Variants in ATG13 observed in about 807,000 individuals in gnomAD.
ATG13 encodes the protein autophagy related 13.
ATG13 carries 23 observed loss-of-function variants against 65.5 expected under a neutral mutation model. That is an observed-to-expected ratio of 0.35 (90% CI 0.25 to 0.50). ATG13 has a LOEUF of 0.50. ATG13 is among the 20% of genes least tolerant of loss of function. The pLI is 0.98. For synonymous variants in ATG13, 252 were observed against 245.2 expected (o/e 1.03, Z -0.26); for missense variants, 566 against 677.0 (o/e 0.84, Z 1.82).
In ATG13 at chr11:46,669,399, T is replaced by C. The variant is rs1430332617; in HGVS notation, c.1447-5T>C. 1.9e-5 allele frequency: 31 copies of C among 1,613,952 alleles called. No individual in the cohort carries two copies. The African/African-American group carries it at 2.5e-4, about 13-fold the overall frequency. On this transcript the variant is annotated splice_region_variant and splice_polypyrimidine_tract_variant and intron_variant, in intron 17 of 18. Transcript: ENST00000683050. ...AGCTAAACTGACTCTGTCTTGTTTTTGAAGAAACCAGCTTTTTCTAAAGAT... is the reference window on the plus strand; with the variant it reads ...AGCTAAACTGACTCTGTCTTGTTTTCGAAGAAACCAGCTTTTTCTAAAGAT...
chr11:46,634,350 G>A (rs1056293677), intron 2 of ATG13, among the ~76,000 whole-genome samples: 13 of 151,596 alleles, frequency 8.6e-5, no homozygotes, highest in African/African-American at 2.9e-4. Flanking sequence ...CACCGGCCTC[G>A]GCCTCCCAAA....
chr11:46,642,100 CGT>C (rs778871464), intron 2 of ATG13, among the ~76,000 whole-genome samples: 3 of 151,862 alleles, frequency 2.0e-5, no homozygotes, highest in African/African-American at 4.8e-5. Context: ...AAAAATTTAA[CGT>C]GTACCCATTA....
At chr11:46,667,297 C>A (rs1353916646) in intron 14 of ATG13, among the ~76,000 whole-genome samples, 2 of 152,184 alleles carry the variant, frequency 1.3e-5, no homozygotes, top group African/African-American at 4.8e-5. Context: ...CATGGGCCCC[C>A]ACTGCTGCTG....
At position 46,674,432 on chromosome 11, in the gene ATG13, C is replaced by T. The variant is rs1032003763; in HGVS notation, c.*2100C>T. On this transcript the variant is annotated 3_prime_UTR_variant, in exon 19 of 19. Transcript: ENST00000683050. Reference sequence around the variant, plus strand: ...GTCAGAGTCCCTCCTCCTCCTCCAACCTCTCCAACCTACTTTGTTTGGAAA... The same window carrying T: ...GTCAGAGTCCCTCCTCCTCCTCCAATCTCTCCAACCTACTTTGTTTGGAAA... The T allele has an allele frequency of 6.6e-6, 1 of 152,212 alleles. No individual in the cohort carries two copies. The highest frequency in any genetic ancestry group is 1.5e-5 in the Non-Finnish European group (1 of 68,064). The allele number at this position is 152,212 out of a possible 1,614,324, so 9.4% of individuals were successfully genotyped here.
chr11:46,657,747 C>T, intron 10 of ATG13, 125 bp downstream of exon 10: 1 of 797,946 alleles, frequency 1.3e-6, no homozygotes, highest in South Asian at 1.9e-5. Flanking sequence ...TGATGGAGAC[C>T]CCACGTGGAG....
chr11:46,643,122 G>A (rs2056572025), intron 2 of ATG13, among the ~76,000 whole-genome samples: 1 of 152,116 alleles, frequency 6.6e-6, no homozygotes, highest in African/African-American at 2.4e-5. Context: ...TGATACAGCT[G>A]ACCCCTGATT....
chr11:46,629,616 C>T (rs748918883), intron 1 of ATG13, among the ~76,000 whole-genome samples: 3 of 151,900 alleles, frequency 2.0e-5, no homozygotes, highest in Admixed American at 6.6e-5. Context: ...AGGCTGGTCT[C>T]GAACTCCTGA....
chr11:46,649,611 T>C (rs905503959), intron 6 of ATG13, among the ~76,000 whole-genome samples: 4 of 152,244 alleles, frequency 2.6e-5, no homozygotes, highest in African/African-American at 9.6e-5. Flanking sequence ...TGTTATTTCC[T>C]TTCCCCATTT....
intron 18 of ATG13, among the ~76,000 whole-genome samples, chr11:46,670,642 A>G (rs1035856078): frequency 1.3e-5 from 2 of 151,950 alleles, no homozygotes; most frequent in African/African-American, 4.8e-5. Context: ...CCCTGTCTCT[A>G]CAAAAAGTAC....
intron 7 of ATG13, among the ~76,000 whole-genome samples, chr11:46,653,376 G>A (rs1473644442): frequency 6.6e-6 from 1 of 151,826 alleles, no homozygotes; most frequent in African/African-American, 2.4e-5. Context: ...GTTTCACCAT[G>A]CTGGCCAGGC....
chr11:46,657,009 T>G, intron 8 of ATG13, 86 bp from the exon 9 acceptor site: 3 of 1,137,186 alleles, frequency 2.6e-6, no homozygotes, highest in South Asian at 1.2e-5. Flanking sequence ...GATTACACAA[T>G]AGGCCAAATA....
At position 46,645,919 on chromosome 11, in the gene ATG13, A is replaced by G; in HGVS notation, c.200A>G (p.Lys67Arg). ...CCAGAGGTTACACATGAAGCAAAGA[A>G]GGCACTGGCAGGACAGCTGCCTGCA... ...DIPEVTHEAK[K>R]ALAGQLPAVG... is the part of the protein sequence containing the mutation. The change falls in exon 5 of 19, where the codon AAG becomes AGG. Residue 67 changes from lysine to arginine, a missense_variant. Physicochemically the swap from Lys to Arg is conservative, Grantham distance 26 (BLOSUM62 2). Transcript: ENST00000683050. 1 of 1,614,228 alleles carries G rather than the reference A, an allele frequency of 6.2e-7. No homozygotes were observed. Among genetic ancestry groups the G allele is most frequent in the Non-Finnish European group, 8.5e-7 (1 of 1,180,036 alleles).
At chr11:46,617,936 G>A in intron 1 of ATG13, 46 bp downstream of exon 1, 1 of 399,146 alleles carries the variant, frequency 2.5e-6, no homozygotes, top group Non-Finnish European at 4.4e-6. Context: ...CAGCGCCCCC[G>A]GGTGGGAGGC....
At chr11:46,621,590 C>A (rs1293646140) in intron 1 of ATG13, among the ~76,000 whole-genome samples, 1 of 152,116 alleles carries the variant, frequency 6.6e-6, no homozygotes, top group Non-Finnish European at 1.5e-5. Flanking sequence ...ATGGATCTTA[C>A]ATTTATGTGC....
At chr11:46,642,963 T>C (rs1318508419) in intron 2 of ATG13, among the ~76,000 whole-genome samples, 1 of 152,210 alleles carries the variant, frequency 6.6e-6, no homozygotes, top group Non-Finnish European at 1.5e-5. Context: ...GAAAGAGACT[T>C]TATCCCAGTG....
chr11:46,669,898 T>C (rs1484218542), intron 18 of ATG13, among the ~76,000 whole-genome samples: 1 of 152,174 alleles, frequency 6.6e-6, no homozygotes, highest in Non-Finnish European at 1.5e-5. Context: ...TGTGAGGTCC[T>C]GAGTATCTGT....
rs982278831 is a variant in ATG13 at position 46,638,889 on chromosome 11, C to T, written c.-13-5390C>T. 4.6e-5 allele frequency among the ~76,000 whole-genome samples: 7 copies of T among 152,284 alleles called. No individual in the cohort carries two copies. In the South Asian group the frequency reaches 8.3e-4, roughly 18 times the overall value. On this transcript the variant is annotated intron_variant, in intron 2 of 18. Transcript: ENST00000683050. ...ATGTTGTGGTATTGGCTCACTGCAACCTCCGCCTCCCAGGTGCAAGCCATT... is the reference window on the plus strand; with the variant it reads ...ATGTTGTGGTATTGGCTCACTGCAATCTCCGCCTCCCAGGTGCAAGCCATT...
chr11:46,618,008 A>G (rs1225780474), intron 1 of ATG13, 118 bp downstream of exon 1: 1 of 397,378 alleles, frequency 2.5e-6, no homozygotes, highest in Admixed American at 4.4e-5. Context: ...CCACGGTTCA[A>G]TCCCCTGGGC....
At chr11:46,627,005 C>T (rs987090776) in intron 1 of ATG13, among the ~76,000 whole-genome samples, 1 of 152,136 alleles carries the variant, frequency 6.6e-6, no homozygotes, top group African/African-American at 2.4e-5. Flanking sequence ...TGTGGAAAGC[C>T]GAGGTGGATG....
Sources: allele counts gnomAD v4.1 joint callset (sites outside exome capture counted in the v4.1 genomes callset), GRCh38; gene constraint gnomAD v4.1.1; transcripts MANE v1.5; gene names NCBI Gene and HGNC (gene_info 2026-07-23, HGNC 2026-07-21).